Variants in ABCC1 observed in about 807,000 individuals in gnomAD.
ABCC1 encodes the protein ATP binding cassette subfamily C member 1 (ABCC1 blood group), also known as multidrug resistance-associated protein 1.
A neutral mutation model predicts 172.9 loss-of-function variants in ABCC1; 83 were observed. The ratio of observed to expected loss-of-function variants is 0.48; its 90% CI spans 0.40 to 0.58. The LOEUF (loss-of-function observed/expected upper bound fraction) is 0.58. Among genes scored for constraint, ABCC1 ranks in the 20% least tolerant of loss-of-function variants. The probability of loss-of-function intolerance (pLI) is 0.00; values close to 1 mark genes in which losing one functional copy is unlikely to be tolerated. For missense variants in ABCC1, 1,817 were observed against 2,002.7 expected (o/e 0.91, Z 1.77); for synonymous variants, 937 against 825.2 (o/e 1.14, Z -2.32).
intron 23 of ABCC1, among the ~76,000 whole-genome samples, chr16:16,121,045 T>C (rs977089020): frequency 6.6e-6 from 1 of 152,216 alleles, no homozygotes; most frequent in Admixed American, 6.5e-5. Context: ...TGGTTCAACC[T>C]AGTATTACCA....
chr16:16,134,214 C>A, intron 27 of ABCC1, 136 bp from the exon 28 acceptor site: 1 of 1,074,240 alleles, frequency 9.3e-7, no homozygotes, highest in Non-Finnish European at 1.4e-6. Context: ...CTGGGCAGCG[C>A]GCAAGGGAGA....
rs7193245 is a variant in ABCC1, at chr16:15,968,497, C to G, written c.48+18698C>G. ...GATCTCTGCTCACTGCAGCCTTCAC[C>G]TGCCGAGTAGCTAGGACTGCAGGCA... On this transcript the variant is annotated intron_variant, in intron 1 of 30. Transcript: ENST00000399410. Among the ~76,000 whole-genome samples the G allele has an allele frequency of 2.9e-3, 438 of 152,086 alleles. 2 individuals carry two copies. The highest frequency in any genetic ancestry group is 8.3e-3 in the African/African-American group (346 of 41,454).
At chr16:16,120,485 T>A (rs2045101786) in intron 23 of ABCC1, among the ~76,000 whole-genome samples, 1 of 152,166 alleles carries the variant, frequency 6.6e-6, no homozygotes, top group Admixed American at 6.5e-5. Flanking sequence ...ACTGGCTGAA[T>A]GCCCAGGTTG....
At chr16:16,078,995 G>C (rs1219661870) in intron 15 of ABCC1, among the ~76,000 whole-genome samples, 1 of 152,100 alleles carries the variant, frequency 6.6e-6, no homozygotes, top group African/African-American at 2.4e-5. Context: ...AGTTTGTCTT[G>C]AGGTGTCCTC....
At chr16:16,138,058 T>C (rs1267509062) in intron 29 of ABCC1, among the ~76,000 whole-genome samples, 1 of 151,758 alleles carries the variant, frequency 6.6e-6, no homozygotes, top group Non-Finnish European at 1.5e-5. Flanking sequence ...GGTCTTGCTT[T>C]TTTGCCCAGG....
chr16:16,125,165 G>A lies in ABCC1; in HGVS notation c.3717+250G>A, dbSNP rs146578210. Among the ~76,000 whole-genome samples the A allele has an allele frequency of 9.2e-5, 14 of 152,292 alleles. No individual in the cohort carries two copies. The East Asian group carries it at 1.9e-3, about 21-fold the overall frequency. ...GGCCCAAGAGGATACTTCCAGGTAC[G>A]AGGGGAATGCTTTTAAAGCTATGAA... On this transcript the variant is annotated intron_variant, in intron 25 of 30. Coordinates refer to ENST00000399410, the MANE Select transcript of ABCC1 (RefSeq NM_004996.4).
chr16:16,130,088 G>T (rs571175280), intron 26 of ABCC1, among the ~76,000 whole-genome samples: 1 of 152,222 alleles, frequency 6.6e-6, no homozygotes, highest in South Asian at 2.1e-4. Context: ...CAAAAGGAGG[G>T]TTGTGTGTCC....
chr16:16,122,510 G>A (rs193278548), intron 24 of ABCC1, among the ~76,000 whole-genome samples: 4 of 152,062 alleles, frequency 2.6e-5, no homozygotes, highest in Admixed American at 1.3e-4. Context: ...CGCTGTTCCC[G>A]TCTGGGGGTG....
At chr16:16,007,112 G>T (rs538752013) in intron 1 of ABCC1, among the ~76,000 whole-genome samples, 1 of 152,000 alleles carries the variant, frequency 6.6e-6, no homozygotes, top group South Asian at 2.1e-4. Context: ...TCCATCTTTC[G>T]TACTACAGTG....
chr16:16,089,494 G>A (rs2051148976), intron 18 of ABCC1, among the ~76,000 whole-genome samples: 1 of 151,904 alleles, frequency 6.6e-6, no homozygotes, highest in East Asian at 1.9e-4. Context: ...GTTGTGGTGA[G>A]CCGAGGTCGC....
intron 1 of ABCC1, among the ~76,000 whole-genome samples, chr16:15,978,513 C>G (rs1567283459): frequency 1.3e-5 from 2 of 152,130 alleles, no homozygotes; most frequent in African/African-American, 4.8e-5. Context: ...TTTGGTGGTA[C>G]TCTGTGCTTT....
At chr16:16,108,286 T>C (rs2052227700) in intron 21 of ABCC1, among the ~76,000 whole-genome samples, 1 of 147,410 alleles carries the variant, frequency 6.8e-6, no homozygotes, top group Admixed American at 6.8e-5. Flanking sequence ...TTTTTTTTTT[T>C]TTTTTTTTTT....
At chr16:16,091,404 C>CAAAA (rs10648689) in intron 19 of ABCC1, among the ~76,000 whole-genome samples, 16 of 108,616 alleles carry the variant, frequency 1.5e-4, no homozygotes, top group East Asian at 2.6e-4. Context: ...CCCAACTCTA[C>CAAAA]AAAAAAAAAA....
At chr16:15,955,523 C>T (rs1164641579) in intron 1 of ABCC1, among the ~76,000 whole-genome samples, 2 of 152,162 alleles carry the variant, frequency 1.3e-5, no homozygotes, top group Non-Finnish European at 2.9e-5. Context: ...CAGCATCTGT[C>T]CCCTTGGCCT....
At chr16:16,081,057 G>A (rs1009950460) in intron 16 of ABCC1, among the ~76,000 whole-genome samples, 2 of 152,104 alleles carry the variant, frequency 1.3e-5, no homozygotes, top group African/African-American at 4.8e-5. Flanking sequence ...CAGTAAAGAC[G>A]GGATTTTACC....
At chr16:16,128,374 CTCCTGACCTCGTGA>C (rs1282634379) in intron 26 of ABCC1, among the ~76,000 whole-genome samples, 12 of 152,000 alleles carry the variant, frequency 7.9e-5, no homozygotes, top group Admixed American at 7.2e-4. Flanking sequence ...TGGTCTCGAA[CTCCTGACCTCGTGA>C]TCCACCCGCC....
At chr16:16,091,404 C>CAAAAA (rs10648689) in intron 19 of ABCC1, among the ~76,000 whole-genome samples, 1 of 108,630 alleles carries the variant, frequency 9.2e-6, no homozygotes, top group Non-Finnish European at 1.8e-5. Context: ...CCCAACTCTA[C>CAAAAA]AAAAAAAAAA....
chr16:16,121,258 G>A (rs1234696175), intron 23 of ABCC1, among the ~76,000 whole-genome samples: 2 of 152,126 alleles, frequency 1.3e-5, no homozygotes, highest in Non-Finnish European at 2.9e-5. Context: ...GCCTGGGCTG[G>A]TCTCAGACTC....
intron 13 of ABCC1, among the ~76,000 whole-genome samples, chr16:16,069,181 T>A (rs1158099307): frequency 1.9e-4 from 26 of 133,758 alleles, no homozygotes; most frequent in African/African-American, 8.3e-4. Context: ...AATAAATAAA[T>A]AAATAAATAA....
Sources: allele counts gnomAD v4.1 joint callset (sites outside exome capture counted in the v4.1 genomes callset), GRCh38; gene constraint gnomAD v4.1.1; transcripts MANE v1.5; gene names NCBI Gene and HGNC (gene_info 2026-07-23, HGNC 2026-07-21).